RANBP9: variants seen among roughly 807,000 people sequenced by gnomAD.
RANBP9 encodes RAN binding protein 9.
RANBP9 carries 15 observed loss-of-function variants against 84.3 expected under a neutral mutation model. That is an observed-to-expected ratio of 0.18 (90% CI 0.12 to 0.27). The LOEUF is 0.27. RANBP9 is among the 10% of genes least tolerant of loss of function. The pLI is 1.00. For missense variants in RANBP9, 809 were observed against 912.8 expected (o/e 0.89, Z 1.46); for synonymous variants, 392 against 349.6 (o/e 1.12, Z -1.35).
chr6:13,671,733 C>A (rs1042079859), intron 2 of RANBP9, among the ~76,000 whole-genome samples: 6 of 151,888 alleles, frequency 4.0e-5, no homozygotes, highest in Non-Finnish European at 7.4e-5. Context: ...GTAAAAATTA[C>A]CAAATTGTGC....
intron 1 of RANBP9, among the ~76,000 whole-genome samples, chr6:13,704,180 A>G (rs959953445): frequency 1.3e-5 from 2 of 152,202 alleles, no homozygotes; most frequent in African/African-American, 4.8e-5. Context: ...TGAATTTACT[A>G]TTCCCACTCT....
intron 2 of RANBP9, among the ~76,000 whole-genome samples, chr6:13,677,580 C>T (rs1765922789): frequency 6.6e-6 from 1 of 152,060 alleles, no homozygotes; most frequent in African/African-American, 2.4e-5. Context: ...AAGTTAGTTA[C>T]TACAGCAAGA....
Position 13,711,529 on chromosome 6 carries a change from C to T in RANBP9, c.-24G>A, listed in dbSNP as rs746419783. The stretch of plus-strand genomic sequence containing the variant: ...ATCCCGGCCGCGACTCAGCCTGCGG[C>T]CACCTCCACCTCTTCTCTCCTTCCT... On this transcript the variant is annotated 5_prime_UTR_variant, in exon 1 of 14. Coordinates refer to ENST00000011619, the MANE Select transcript of RANBP9 (RefSeq NM_005493.3). The T allele has an allele frequency of 3.2e-6, 4 of 1,242,914 alleles. No individual in the cohort carries two copies. The highest frequency in any genetic ancestry group is 3.1e-5 in the East Asian group (1 of 31,810). The allele number at this position is 1,242,914 out of a possible 1,614,324, so 77.0% of individuals were successfully genotyped here.
intron 1 of RANBP9, among the ~76,000 whole-genome samples, chr6:13,705,723 C>G (rs199557142): frequency 9.0e-4 from 136 of 151,846 alleles, no homozygotes; most frequent in African/African-American, 3.1e-3. Context: ...ATTAGCCAGG[C>G]GTGGTGGCAG....
intron 2 of RANBP9, among the ~76,000 whole-genome samples, chr6:13,690,879 T>C (rs1584945095): frequency 6.6e-6 from 1 of 152,190 alleles, no homozygotes; most frequent in South Asian, 2.1e-4. Flanking sequence ...AAAGAAGTTA[T>C]GCAGGGCCAG....
intron 2 of RANBP9, among the ~76,000 whole-genome samples, chr6:13,673,812 G>C (rs904924651): frequency 1.3e-5 from 2 of 152,218 alleles, no homozygotes; most frequent in Non-Finnish European, 2.9e-5. Flanking sequence ...CAATGGGCTA[G>C]GCACGTAGCT....
intron 2 of RANBP9, among the ~76,000 whole-genome samples, chr6:13,669,801 C>T (rs1256253926): frequency 1.3e-5 from 2 of 152,080 alleles, no homozygotes; most frequent in Non-Finnish European, 2.9e-5. Context: ...CCATGTTGCC[C>T]AGGCTAGTCT....
chr6:13,655,070 C>T (rs1765369444), intron 4 of RANBP9, among the ~76,000 whole-genome samples: 1 of 152,214 alleles, frequency 6.6e-6, no homozygotes, highest in South Asian at 2.1e-4. Flanking sequence ...CAATCCCAGG[C>T]AAGTCTGACT....
chr6:13,696,814 T>A lies in RANBP9; in HGVS notation c.654A>T (p.Glu218Asp). The change falls in exon 2 of 14, where the codon GAA (glutamate) becomes GAT (aspartate). Residue 218 changes from glutamate (E) to aspartate (D), a missense_variant. This residue lies in a region of RANBP9 where 56 missense variants were observed against 88.2 expected (regional missense o/e 0.63). Transcript: ENST00000011619. ...CTCTTCCCTTACTGACAATTTTTACTTCAAAATAATAAATCCCACAGGCTG... is the reference window on the plus strand; with the variant it reads ...CTCTTCCCTTACTGACAATTTTTACATCAAAATAATAAATCCCACAGGCTG... ...IPAACGIYYF[E>D]VKIVSKGRDG... 6.2e-7 allele frequency: 1 copy of A among 1,611,086 alleles called. No homozygotes were observed. Among genetic ancestry groups the A allele is most frequent in the Non-Finnish European group, 8.5e-7 (1 of 1,178,258 alleles).
In RANBP9 at chr6:13,698,346, C is replaced by T. The variant is rs562855893; in HGVS notation, c.572-1450G>A. 2.6e-5 allele frequency among the ~76,000 whole-genome samples: 4 copies of T among 152,294 alleles called. No homozygotes were observed. The South Asian group carries it at 8.3e-4, about 32-fold the overall frequency. Reference sequence around the variant, plus strand: ...ATATGATGCAGGTAATAGATTTACACTGAGCTAAGCAGCAGAAAAGAAACA... The same window carrying T: ...ATATGATGCAGGTAATAGATTTACATTGAGCTAAGCAGCAGAAAAGAAACA... On this transcript the variant is annotated intron_variant, in intron 1 of 13. Coordinates refer to ENST00000011619, the MANE Select transcript of RANBP9 (RefSeq NM_005493.3).
intron 4 of RANBP9, among the ~76,000 whole-genome samples, chr6:13,654,958 A>G (rs1765367049): frequency 1.3e-5 from 2 of 152,384 alleles, no homozygotes; most frequent in Middle Eastern, 6.8e-3. Flanking sequence ...TAACCACCTT[A>G]GTGAGATAGG....
chr6:13,637,765 C>G (rs1404812015), intron 10 of RANBP9, 43 bp downstream of exon 10: 3 of 1,485,002 alleles, frequency 2.0e-6, no homozygotes, highest in South Asian at 2.7e-5. Context: ...ACACCTATAA[C>G]TAGGTTGCTT....
rs1758270353 is a variant in RANBP9 at position 13,711,184 on chromosome 6, G to T, written c.322C>A (p.Leu108Ile). 7 of 1,273,152 alleles carry T rather than the reference G, an allele frequency of 5.5e-6. No homozygotes were observed. In the East Asian group the frequency reaches 9.6e-5, roughly 17 times the overall value. 78.9% of individuals were successfully genotyped at this position (1,273,152 alleles called of 1,614,324 possible). ...CCAGCCGGGCCGGGGCCCGCTGCAA[G>T]GCCCGGGGGAGCGGGCGGCCCGCTG... ...PASGPPAPPG[L>I]AAGPGPAGGA... Residue 108 changes from leucine (L) to isoleucine (I), a missense_variant, in exon 1 of 14, where the codon CTT becomes ATT. Physicochemically the swap from Leu to Ile is conservative, Grantham distance 5 (BLOSUM62 2). This residue lies in a region of RANBP9 where 302 missense variants were observed against 240.1 expected (regional missense o/e 1.26). Transcript: ENST00000011619.
intron 1 of RANBP9, among the ~76,000 whole-genome samples, chr6:13,705,236 G>T (rs1057445864): frequency 1.2e-4 from 18 of 151,132 alleles, no homozygotes; most frequent in African/African-American, 4.4e-4. Flanking sequence ...AAACCCCATC[G>T]CTACTAAATA....
intron 2 of RANBP9, among the ~76,000 whole-genome samples, chr6:13,684,365 C>A (rs999308780): frequency 4.6e-5 from 7 of 152,230 alleles, no homozygotes; most frequent in Non-Finnish European, 8.8e-5. Context: ...CTCATTTTGT[C>A]TGAGTATATC....
At chr6:13,657,495 A>C (rs1260787846) in intron 3 of RANBP9, among the ~76,000 whole-genome samples, 1 of 152,226 alleles carries the variant, frequency 6.6e-6, no homozygotes, top group Non-Finnish European at 1.5e-5. Context: ...CACTAAAACA[A>C]ATATTAAACA....
chr6:13,628,402 A>G (rs565330953), intron 12 of RANBP9, among the ~76,000 whole-genome samples: 73 of 152,316 alleles, frequency 4.8e-4, no homozygotes, highest in African/African-American at 1.6e-3. Context: ...GGCTGAGAGA[A>G]AGGAGAAAAA....
chr6:13,700,817 A>C (rs1284658147), intron 1 of RANBP9, among the ~76,000 whole-genome samples: 1 of 152,116 alleles, frequency 6.6e-6, no homozygotes, highest in Non-Finnish European at 1.5e-5. Context: ...CTGGGCTTTT[A>C]TTTTACTAGG....
intron 4 of RANBP9, 83 bp downstream of exon 4, chr6:13,657,026 C>A: frequency 7.7e-7 from 1 of 1,293,974 alleles, no homozygotes; most frequent in East Asian, 2.4e-5. Context: ...AAAGGAGAAT[C>A]ACATAATAAA....
Sources: gnomAD v4.1 joint callset for allele counts (sites outside exome capture counted in the v4.1 genomes callset) on GRCh38, gnomAD v4.1.1 for gene constraint, gnomAD v4.1.1 regional missense constraint, MANE v1.5 for transcripts, NCBI Gene and HGNC (gene_info 2026-07-23, HGNC 2026-07-21) for gene names.